The following CAMTA1 variants were observed in gnomAD, a reference collection of about 807,000 sequenced individuals.
The protein encoded by CAMTA1 is calmodulin-binding transcription activator 1.
Under a neutral mutation model 170.9 loss-of-function variants are expected in CAMTA1, and 27 were observed. That is an observed-to-expected ratio of 0.16 (90% CI 0.12 to 0.22). The LOEUF is 0.22. CAMTA1 is among the 10% of genes least tolerant of loss of function. The pLI is 1.00. For synonymous variants in CAMTA1, 833 were observed against 891.5 expected (o/e 0.93, Z 1.17); for missense variants, 1,619 against 2,217.2 (o/e 0.73, Z 5.42).
At chr1:7,018,918 C>G (rs1348919264) in intron 3 of CAMTA1, among the ~76,000 whole-genome samples, 1 of 152,192 alleles carries the variant, frequency 6.6e-6, no homozygotes, top group Non-Finnish European at 1.5e-5. Flanking sequence ...TGGACAGAAA[C>G]ATGTTAGAGA....
chr1:7,436,378 G>A (rs1042721177), intron 5 of CAMTA1, among the ~76,000 whole-genome samples: 18 of 152,190 alleles, frequency 1.2e-4, no homozygotes, highest in Non-Finnish European at 2.4e-4. Flanking sequence ...GAAGAGTGAC[G>A]CCCCAGTTCC....
At chr1:7,535,199 T>C (rs747643941) in intron 6 of CAMTA1, among the ~76,000 whole-genome samples, 1 of 152,150 alleles carries the variant, frequency 6.6e-6, no homozygotes, top group Non-Finnish European at 1.5e-5. Context: ...ATGACTCTGG[T>C]GACAAGGGGC....
intron 3 of CAMTA1, among the ~76,000 whole-genome samples, chr1:6,848,951 G>A (rs530687482): frequency 3.9e-5 from 6 of 152,260 alleles, no homozygotes; most frequent in South Asian, 4.2e-4. Context: ...GTATATTTTC[G>A]TGACATTTTC....
chr1:7,395,363 G>A (rs1156591900), intron 5 of CAMTA1, among the ~76,000 whole-genome samples: 5 of 152,094 alleles, frequency 3.3e-5, no homozygotes, highest in Non-Finnish European at 7.4e-5. Flanking sequence ...TGCCTTTGTT[G>A]AAAATTGGTT....
intron 9 of CAMTA1, among the ~76,000 whole-genome samples, chr1:7,669,836 C>A (rs1418968174): frequency 6.6e-6 from 1 of 152,182 alleles, no homozygotes; most frequent in Admixed American, 6.5e-5. Context: ...CAGTGACCAG[C>A]CCCTCTCCTC....
Position 7,225,091 on chromosome 1 carries a change from CTT to C in CAMTA1, c.303-24390_303-24389del, listed in dbSNP as rs58965156. ...AATTCTTACTGATCTTGGCAGATCTCTTTTTTTTTTTGAGATGGAGTCTTGCT... is the reference window on the plus strand; with the variant it reads ...AATTCTTACTGATCTTGGCAGATCTCTTTTTTTTTGAGATGGAGTCTTGCT... On this transcript the variant is annotated intron_variant, in intron 4 of 22. Transcript: ENST00000303635. 7.5e-5 allele frequency among the ~76,000 whole-genome samples: 11 copies of C among 146,998 alleles called. No individual in the cohort carries two copies. In the South Asian group the frequency reaches 2.2e-3, roughly 29 times the overall value.
At chr1:7,185,077 G>A (rs1206434819) in intron 4 of CAMTA1, among the ~76,000 whole-genome samples, 1 of 152,196 alleles carries the variant, frequency 6.6e-6, no homozygotes, top group Non-Finnish European at 1.5e-5. Context: ...CTCTCAATCA[G>A]TGAAGGGAGT....
chr1:7,472,130 C>T (rs893566834), intron 6 of CAMTA1, among the ~76,000 whole-genome samples: 10 of 152,142 alleles, frequency 6.6e-5, no homozygotes, highest in African/African-American at 1.7e-4. Context: ...GTGGAGGCAG[C>T]GGGGGGTCCT....
intron 20 of CAMTA1, among the ~76,000 whole-genome samples, chr1:7,751,806 C>G (rs1378974984): frequency 6.6e-6 from 1 of 151,502 alleles, no homozygotes; most frequent in East Asian, 1.9e-4. Context: ...ATCTGATTTT[C>G]AATGTGAAAA....
chr1:6,795,469 A>T (rs980125504), intron 1 of CAMTA1, among the ~76,000 whole-genome samples: 5 of 152,034 alleles, frequency 3.3e-5, no homozygotes, highest in African/African-American at 1.2e-4. Context: ...GCTGGGATTT[A>T]CAAGTGTGAG....
chr1:7,204,091 G>C (rs892939686), intron 4 of CAMTA1, among the ~76,000 whole-genome samples: 1 of 151,898 alleles, frequency 6.6e-6, no homozygotes, highest in East Asian at 1.9e-4. Flanking sequence ...GCTCGCCTCA[G>C]CCTCCCAAAG....
intron 6 of CAMTA1, among the ~76,000 whole-genome samples, chr1:7,513,812 C>T (rs2094238180): frequency 6.6e-6 from 1 of 152,150 alleles, no homozygotes; most frequent in African/African-American, 2.4e-5. Flanking sequence ...ATTCCAGCTA[C>T]CCTGGAGGCC....
At position 7,443,993 on chromosome 1, in the gene CAMTA1, C is replaced by A. The variant is rs1033329766; in HGVS notation, c.439-23837C>A. Among the ~76,000 whole-genome samples the A allele has an allele frequency of 4.6e-5, 7 of 151,788 alleles. No individual in the cohort carries two copies. The highest frequency in any genetic ancestry group is 1.7e-4 in the African/African-American group (7 of 41,394). On this transcript the variant is annotated intron_variant, in intron 5 of 22. Transcript: ENST00000303635. The surrounding 1 kb of genome is among the most constrained non-coding windows in gnomAD (Gnocchi z 4.1). ...TGAGCCATCGAGCCCCTCCTTCAGG[C>A]CCCCAGAGGAAGCTGGAGGAGTTTG...
At position 7,663,335 on chromosome 1, in the gene CAMTA1, G is replaced by A. The variant is rs563159153; in HGVS notation, c.806-18G>A. On this transcript the variant is annotated intron_variant, in intron 8 of 22. Transcript: ENST00000303635. ...GTGCCTGCGTGTGCGTGCGCGTGTT[G>A]TGTTCCGATCTCCGCAGGAGCTGGC... The A allele has an allele frequency of 6.6e-7, 1 of 1,518,798 alleles. No individual in the cohort carries two copies. Among genetic ancestry groups the A allele is most frequent in the East Asian group, 2.3e-5 (1 of 43,866 alleles). 94.1% of individuals were successfully genotyped at this position (1,518,798 alleles called of 1,614,324 possible).
chr1:7,459,897 C>T (rs1385031556), intron 5 of CAMTA1, among the ~76,000 whole-genome samples: 1 of 152,212 alleles, frequency 6.6e-6, no homozygotes, highest in Non-Finnish European at 1.5e-5. Context: ...GGATGGTGAG[C>T]GGGTCAGAGC....
chr1:7,530,868 T>C (rs932294143), intron 6 of CAMTA1, among the ~76,000 whole-genome samples: 1 of 136,706 alleles, frequency 7.3e-6, no homozygotes, highest in African/African-American at 2.8e-5. Flanking sequence ...CAGGCTAGAG[T>C]GCAATGTGCA....
chr1:7,028,490 C>A (rs1458044752), intron 3 of CAMTA1, among the ~76,000 whole-genome samples: 3 of 152,192 alleles, frequency 2.0e-5, no homozygotes, highest in African/African-American at 7.2e-5. Context: ...CCTGGTTGCC[C>A]TCTGAAACTA....
intron 5 of CAMTA1, among the ~76,000 whole-genome samples, chr1:7,315,238 G>A (rs762487196): frequency 5.9e-5 from 9 of 152,214 alleles, no homozygotes; most frequent in South Asian, 2.1e-4. Context: ...AGGGTTGTTC[G>A]GGGCTTGGAG....
rs1576550734 is a variant in CAMTA1 at position 7,641,968 on chromosome 1, C to T, written c.664+1415C>T. ...AGCCCCCCCACCCGCAGCCCCCGGC[C>T]TCTGCAGGACTCTGCGCCCTTTCCA... On this transcript the variant is annotated intron_variant, in intron 7 of 22. Transcript: ENST00000303635. This position sits in a 1 kb window ranked among gnomAD's most constrained non-coding sequence, Gnocchi z 4.5. Among the ~76,000 whole-genome samples, 1 of 152,090 alleles carries T rather than the reference C, an allele frequency of 6.6e-6. No individual in the cohort carries two copies. The highest frequency in any genetic ancestry group is 1.9e-4 in the East Asian group (1 of 5,168).
Sources: gnomAD v4.1 joint callset for allele counts (sites outside exome capture counted in the v4.1 genomes callset) on GRCh38, gnomAD v4.1.1 for gene constraint, Gnocchi (gnomAD v3.1) non-coding constraint, MANE v1.5 for transcripts, NCBI Gene and HGNC (gene_info 2026-07-23, HGNC 2026-07-21) for gene names.